TMC7: variants seen among roughly 807,000 people sequenced by gnomAD.
The protein encoded by TMC7 is transmembrane channel like 7, also known as transmembrane channel-like protein 7.
Under a neutral mutation model 82.9 loss-of-function variants are expected in TMC7, and 54 were observed. The observed-to-expected ratio is 0.65, with a 90% CI of 0.52 to 0.82. The LOEUF (loss-of-function observed/expected upper bound fraction) is 0.82. TMC7 is among the 40% of genes least tolerant of loss of function. TMC7 has a pLI of 0.00. For synonymous variants in TMC7, 350 were observed against 337.9 expected (o/e 1.04, Z -0.39); for missense variants, 820 against 901.2 (o/e 0.91, Z 1.15).
At chr16:18,998,244 A>T (rs1440251412) in intron 1 of TMC7, among the ~76,000 whole-genome samples, 2 of 152,196 alleles carry the variant, frequency 1.3e-5, no homozygotes, top group Non-Finnish European at 2.9e-5. Flanking sequence ...AGGAGGTAGG[A>T]ACCGCTGTCT....
intron 3 of TMC7, among the ~76,000 whole-genome samples, chr16:19,019,188 C>G (rs1412483484): frequency 2.0e-5 from 3 of 152,186 alleles, no homozygotes; most frequent in Non-Finnish European, 4.4e-5. Flanking sequence ...TTTCAAACAT[C>G]TCCCCAAAAC....
intron 2 of TMC7, among the ~76,000 whole-genome samples, chr16:19,014,284 C>T (rs576874490): frequency 1.1e-4 from 16 of 152,218 alleles, no homozygotes; most frequent in African/African-American, 3.6e-4. Flanking sequence ...AGAAGCATGT[C>T]CCCCTCCCCC....
chr16:19,053,840 CT>C (rs1160419285), intron 13 of TMC7, among the ~76,000 whole-genome samples: 3 of 142,958 alleles, frequency 2.1e-5, no homozygotes, highest in African/African-American at 8.0e-5. Flanking sequence ...ATATCTGTGT[CT>C]TTTCTTTCTT....
At chr16:18,984,160 G>C (rs532773093) in intron 1 of TMC7, 30 bp downstream of exon 1, 7 of 1,481,680 alleles carry the variant, frequency 4.7e-6, no homozygotes, top group South Asian at 1.3e-5. Context: ...GCGCGGGGAC[G>C]GTGCCCCTGG....
rs777412602 is a variant in TMC7, at chr16:19,030,232, G to C, written c.720G>C (p.Leu240=). 1 of 1,610,642 alleles carries C rather than the reference G, an allele frequency of 6.2e-7. No individual in the cohort carries two copies. Among genetic ancestry groups the C allele is most frequent in the Non-Finnish European group, 8.5e-7 (1 of 1,178,990 alleles). ...TCTTGGCTTCGTTTCAGGGTTTCCT[G>C]GAGGAAACTAGCCTCTTTTACGGAC... The part of the protein sequence containing the change: ...IIDLLSGTGF[L]EETSLFYGHY... Residue 240 remains leucine, a synonymous_variant, in exon 6 of 16, where the codon CTG becomes CTC. Transcript: ENST00000304381.
intron 1 of TMC7, among the ~76,000 whole-genome samples, chr16:18,996,874 C>T (rs1206740209): frequency 6.6e-6 from 1 of 152,214 alleles, no homozygotes; most frequent in Non-Finnish European, 1.5e-5. Flanking sequence ...GGTGTCCCCG[C>T]AGTGATTAAA....
rs780892783 is a variant in TMC7, at chr16:19,023,209, A to G, written c.711+14A>G. ...CTTTCTGGCACTGTAAGTATTTAAC[A>G]TAATCCTTTGTTTAGCTCCTCAATC... On this transcript the variant is annotated intron_variant, in intron 5 of 15. Coordinates refer to ENST00000304381, the MANE Select transcript of TMC7 (RefSeq NM_024847.4). The G allele has an allele frequency of 6.5e-7, 1 of 1,537,110 alleles. No individual in the cohort carries two copies. Among genetic ancestry groups the G allele is most frequent in the South Asian group, 1.1e-5 (1 of 87,236 alleles).
chr16:19,052,966 G>A (rs996088323), intron 13 of TMC7, among the ~76,000 whole-genome samples: 3 of 152,198 alleles, frequency 2.0e-5, no homozygotes, highest in Non-Finnish European at 4.4e-5. Context: ...ACCCATGTCG[G>A]CCTCCCAAAG....
chr16:19,027,887 A>G (rs1960309129), intron 5 of TMC7, among the ~76,000 whole-genome samples: 1 of 152,192 alleles, frequency 6.6e-6, no homozygotes. Flanking sequence ...ACAAGAATGC[A>G]CAGTTGTCAT....
chr16:19,030,974 A>G (rs1176355045), intron 6 of TMC7, among the ~76,000 whole-genome samples: 1 of 152,092 alleles, frequency 6.6e-6, no homozygotes, highest in Non-Finnish European at 1.5e-5. Flanking sequence ...CTAGGTCTCT[A>G]CTGGGTTGTA....
In TMC7 at chr16:19,006,706, G is replaced by A. The variant is rs943815913; in HGVS notation, c.68-2466G>A. Among the ~76,000 whole-genome samples the A allele has an allele frequency of 3.9e-5, 6 of 152,336 alleles. No homozygotes were observed. In the East Asian group the frequency reaches 5.8e-4, roughly 15 times the overall value. Reference sequence around the variant, plus strand: ...GTGCATCAGGGACGATGCAGGGCACGGGGGAGCCCGCTTGCACTGCTGCCT... The same window carrying A: ...GTGCATCAGGGACGATGCAGGGCACAGGGGAGCCCGCTTGCACTGCTGCCT... On this transcript the variant is annotated intron_variant, in intron 1 of 15. Transcript: ENST00000304381.
intron 9 of TMC7, among the ~76,000 whole-genome samples, chr16:19,042,596 C>CT (rs1961066848): frequency 6.6e-6 from 1 of 151,682 alleles, no homozygotes; most frequent in African/African-American, 2.4e-5. Flanking sequence ...CAAGCTCCGC[C>CT]TCCCGGGTTC....
intron 1 of TMC7, among the ~76,000 whole-genome samples, chr16:19,007,739 T>C (rs2039267144): frequency 6.6e-6 from 1 of 150,944 alleles, no homozygotes; most frequent in African/African-American, 2.4e-5. Flanking sequence ...AAAAACAGTT[T>C]ACCCCTCTCA....
At position 19,047,232 on chromosome 16, in the gene TMC7, ATCT is replaced by A; in HGVS notation, c.1727_1729del (p.Phe576del). ...AATTGCAACCCTGAAATTCATTATC[ATCT>A]TCTATGTGAAAGAGGTAAGGAGCCG... is the stretch of plus-strand genomic sequence containing the variant. On this transcript the variant is annotated inframe_deletion, in exon 12 of 16. Transcript: ENST00000304381. 2 of 1,613,842 alleles carry A rather than the reference ATCT, an allele frequency of 1.2e-6. No homozygotes were observed. Among genetic ancestry groups the A allele is most frequent in the Non-Finnish European group, 1.7e-6 (2 of 1,179,960 alleles).
chr16:18,987,106 T>A (rs1259448879), intron 1 of TMC7, among the ~76,000 whole-genome samples: 1 of 151,762 alleles, frequency 6.6e-6, no homozygotes, highest in African/African-American at 2.4e-5. Context: ...TACCCGGCCA[T>A]AGAGCAGCCT....
rs138696317 is a variant in TMC7, at chr16:19,010,776, G to A, written c.311+1361G>A. Among the ~76,000 whole-genome samples, 359 of 152,276 alleles carry A rather than the reference G, an allele frequency of 2.4e-3. 2 individuals are homozygous for A. The highest frequency in any genetic ancestry group is 3.9e-3 in the Admixed American group (59 of 15,296). On this transcript the variant is annotated intron_variant, in intron 2 of 15. Transcript: ENST00000304381. Reference sequence around the variant, plus strand: ...CTGTGGTTGGGGAGGTGTCTCTGCTGATCTAGGCTGGGGATCAGCTGGCTG... The same window carrying A: ...CTGTGGTTGGGGAGGTGTCTCTGCTAATCTAGGCTGGGGATCAGCTGGCTG...
chr16:18,997,890 C>T lies in TMC7; in HGVS notation c.68-11282C>T, dbSNP rs561739604. Among the ~76,000 whole-genome samples the T allele has an allele frequency of 5.5e-4, 83 of 152,018 alleles. 1 individual carries two copies. Among genetic ancestry groups the T allele is most frequent in the Admixed American group, 1.2e-3 (18 of 15,254 alleles). On this transcript the variant is annotated intron_variant, in intron 1 of 15. Transcript: ENST00000304381. ...GACTACAGGCACCCACCACCATGCC[C>T]GGCTAATTTTTTTTTTGTATTTTAG...
At chr16:19,046,185 G>C (rs1961266175) in intron 11 of TMC7, among the ~76,000 whole-genome samples, 1 of 152,098 alleles carries the variant, frequency 6.6e-6, no homozygotes, top group African/African-American at 2.4e-5. Flanking sequence ...GACCTTCCAG[G>C]CTGCAGTGGA....
At chr16:19,023,823 A>T (rs918827680) in intron 5 of TMC7, among the ~76,000 whole-genome samples, 2 of 152,174 alleles carry the variant, frequency 1.3e-5, no homozygotes, top group African/African-American at 4.8e-5. Context: ...GTGAAAATGA[A>T]CCCAGATAGA....
Sources: allele counts gnomAD v4.1 joint callset (sites outside exome capture counted in the v4.1 genomes callset), GRCh38; gene constraint gnomAD v4.1.1; transcripts MANE v1.5; gene names NCBI Gene and HGNC (gene_info 2026-07-23, HGNC 2026-07-21).